The following ZNF772 variants were observed in gnomAD, a reference collection of about 807,000 sequenced individuals.
ZNF772 encodes the protein zinc finger protein 772.
Under a neutral mutation model 11.0 loss-of-function variants are expected in ZNF772, and 8 were observed. The ratio of observed to expected loss-of-function variants is 0.73; its 90% confidence interval spans 0.43 to 1.31. ZNF772 has a LOEUF of 1.31. Among genes scored for constraint, ZNF772 ranks in the 50% most tolerant of loss-of-function variants. The pLI, the probability that ZNF772 is intolerant of heterozygous loss-of-function variation, is 0.01. For synonymous variants in ZNF772, 155 were observed against 180.4 expected (o/e 0.86, Z 1.13); for missense variants, 496 against 552.3 (o/e 0.90, Z 1.02).
In ZNF772 at chr19:57,477,301, C is replaced by G; in HGVS notation, c.9G>C (p.Ala3=). 6.2e-7 allele frequency: 1 copy of G among 1,613,522 alleles called. No individual in the cohort carries two copies. The highest frequency in any genetic ancestry group is 8.5e-7 in the Non-Finnish European group (1 of 1,179,616). The change falls in exon 1 of 4, where the codon GCG becomes GCC. Residue 3 remains alanine, a synonymous_variant. Transcript: ENST00000356584. ...CCTGTGCCGGGCCCATCGGCTCAGC[C>G]GCCGCCATCAGGCCTGTGGACTACG... is the stretch of plus-strand genomic sequence containing the variant. MA[A]AEPMGPAQVP... is the part of the protein sequence containing the mutation.
intron 1 of ZNF772, 33 bp downstream of exon 1, chr19:57,477,244 G>A (rs772165851): frequency 1.9e-6 from 3 of 1,612,992 alleles, no homozygotes; most frequent in Non-Finnish European, 2.5e-6. Flanking sequence ...AGAGATGGGG[G>A]TCAGCGCGCA....
chr19:57,477,336 C>T lies in ZNF772; in HGVS notation c.-27G>A. The T allele has an allele frequency of 6.2e-7, 1 of 1,612,896 alleles. No individual in the cohort carries two copies. The highest frequency in any genetic ancestry group is 8.5e-7 in the Non-Finnish European group (1 of 1,179,534). On this transcript the variant is annotated 5_prime_UTR_variant, in exon 1 of 4. Transcript: ENST00000356584. The stretch of plus-strand genomic sequence containing the variant: ...AGGCCTGTGGACTACGGAAGGGTGG[C>T]GACAAGTGCAGGAACCTGGGATCAG...
Position 57,472,999 on chromosome 19 carries a change from G to A in ZNF772, c.*275C>T, listed in dbSNP as rs1443416541. The A allele has an allele frequency of 4.2e-6, 2 of 474,950 alleles. No individual in the cohort carries two copies. The highest frequency in any genetic ancestry group is 3.9e-5 in the African/African-American group (2 of 51,928). 29.4% of individuals were successfully genotyped at this position (474,950 alleles called of 1,614,324 possible). ...GAGGTCTGTCTTTTGAAACACATTGGGGTTACTTTGGCACAAGGCAGGACT... is the reference window on the plus strand; with the variant it reads ...GAGGTCTGTCTTTTGAAACACATTGAGGTTACTTTGGCACAAGGCAGGACT... On this transcript the variant is annotated 3_prime_UTR_variant, in exon 4 of 4. Coordinates refer to ENST00000356584, the MANE Select transcript of ZNF772 (RefSeq NM_001144068.2).
Position 57,475,123 on chromosome 19 carries a change from T to C in ZNF772, c.199+537A>G. The C allele has an allele frequency of 6.2e-7, 1 of 1,614,176 alleles. No individual in the cohort carries two copies. The highest frequency in any genetic ancestry group is 8.5e-7 in the Non-Finnish European group (1 of 1,180,034). On this transcript the variant is annotated intron_variant, in intron 3 of 3. Transcript: ENST00000356584. The surrounding 1 kb of genome is among the most constrained non-coding windows in gnomAD (Gnocchi z 4.2). ...CTACCCATCACCAGTGAGGCAACTA[T>C]GTGGGACATGAAAGATGTATGTCCT...
Position 57,473,669 on chromosome 19 carries a change from A to G in ZNF772, c.952T>C (p.Tyr318His). Residue 318 changes from tyrosine to histidine, a missense_variant, in exon 4 of 4, where the codon TAT (tyrosine) becomes CAT (histidine). Tyr to His is a moderately conservative substitution (Grantham distance 83). Coordinates refer to ENST00000356584, the MANE Select transcript of ZNF772 (RefSeq NM_001144068.2). ...TGAACAAGTGTAGATTTGTGACTAT[A>G]GGCTTTCCCACATTCACTGCACTTG... ...PYKCSECGKA[Y>H]SHKSTLVQHE... 6.2e-7 allele frequency: 1 copy of G among 1,613,896 alleles called. No individual in the cohort carries two copies. The highest frequency in any genetic ancestry group is 8.5e-7 in the Non-Finnish European group (1 of 1,179,958).
chr19:57,476,733 C>A (rs1025198917), intron 1 of ZNF772, 61 bp from the exon 2 acceptor site: 14 of 1,443,416 alleles, frequency 9.7e-6, no homozygotes, highest in Non-Finnish European at 1.0e-5. Flanking sequence ...AAAGGCTCAA[C>A]CCCATCCCAT....
At chr19:57,474,552 C>T in intron 3 of ZNF772, 131 bp from the exon 4 acceptor site, 1 of 883,186 alleles carries the variant, frequency 1.1e-6, no homozygotes, top group African/African-American at 1.7e-5. Flanking sequence ...GGTCCAAACT[C>T]AAGTTCAGCA....
In ZNF772 at chr19:57,473,374, G is replaced by T. The variant is rs767712382; in HGVS notation, c.1247C>A (p.Thr416Asn). Residue 416 changes from threonine (T) to asparagine (N), a missense_variant, in exon 4 of 4, where the codon ACT (threonine) becomes AAT (asparagine). Thr to Asn is a moderately conservative substitution (Grantham distance 65). Transcript: ENST00000356584. ...ACTGCACTTATATGGCCTTTCTCCA[G>T]TGTGAATTCTATGATGCTGAACAAG... ...HVLVQHHRIHTGERPYKCSEC... is the reference protein window; with the variant it reads ...HVLVQHHRIHNGERPYKCSEC... 1 of 1,614,170 alleles carries T rather than the reference G, an allele frequency of 6.2e-7. No homozygotes were observed. The highest frequency in any genetic ancestry group is 2.2e-5 in the East Asian group (1 of 44,884).
Position 57,475,764 on chromosome 19 carries a change from A to G in ZNF772, c.95T>C (p.Val32Ala). 1 of 1,606,978 alleles carries G rather than the reference A, an allele frequency of 6.2e-7. No individual in the cohort carries two copies. The highest frequency in any genetic ancestry group is 8.5e-7 in the Non-Finnish European group (1 of 1,175,930). Residue 32 changes from valine (V) to alanine (A), a missense_variant, in exon 3 of 4, where the codon GTG becomes GCG. By Grantham distance (64) the Val-to-Ala change is moderately conservative (BLOSUM62 0). Coordinates refer to ENST00000356584, the MANE Select transcript of ZNF772 (RefSeq NM_001144068.2). This position sits in a 1 kb window ranked among gnomAD's most constrained non-coding sequence, Gnocchi z 4.2. ...CTCCTCCTGGGAGAAGTACACGAAC[A>G]CGTCCTCAAAGTTCACCTGCCCCTG... The part of the protein sequence containing the change: ...PIQGQVNFED[V>A]FVYFSQEEWV...
Position 57,472,656 on chromosome 19 carries a change from C to G in ZNF772, c.*618G>C, listed in dbSNP as rs2089228842. The G allele has an allele frequency of 1.3e-5, 2 of 155,534 alleles. No homozygotes were observed. The highest frequency in any genetic ancestry group is 1.3e-4 in the Admixed American group (2 of 15,754). 9.6% of individuals were successfully genotyped at this position (155,534 alleles called of 1,614,324 possible). On this transcript the variant is annotated 3_prime_UTR_variant, in exon 4 of 4. Coordinates refer to ENST00000356584, the MANE Select transcript of ZNF772 (RefSeq NM_001144068.2). ...GCTTAGCTCAATTCTGTTCTCAACCCAACCCACAAAGCGAACAGAATCCTC... is the reference window on the plus strand; with the variant it reads ...GCTTAGCTCAATTCTGTTCTCAACCGAACCCACAAAGCGAACAGAATCCTC...
intron 1 of ZNF772, among the ~76,000 whole-genome samples, 180 bp from the exon 2 acceptor site, chr19:57,476,852 C>T (rs536261753): frequency 7.9e-5 from 12 of 152,314 alleles, no homozygotes; most frequent in Admixed American, 6.5e-4. Context: ...TCATTATCCG[C>T]CCCCATGGCC....
Position 57,470,965 on chromosome 19 carries a change from A to C in ZNF772, c.*2309T>G, listed in dbSNP as rs2089207114. The stretch of plus-strand genomic sequence containing the variant: ...CCTACAAAACACACTTCAGGGCCAG[A>C]GTGACAGACAGACAACACACACACA... On this transcript the variant is annotated 3_prime_UTR_variant, in exon 4 of 4. Transcript: ENST00000356584. 2 of 133,356 alleles carry C rather than the reference A, an allele frequency of 1.5e-5. No individual in the cohort carries two copies. Among genetic ancestry groups the C allele is most frequent in the African/African-American group, 5.5e-5 (2 of 36,432 alleles). The allele number at this position is 133,356 out of a possible 1,614,324, so 8.3% of individuals were successfully genotyped here. A position where few individuals can be genotyped will look rare whatever the true frequency, so the allele number is the denominator to read the frequency against.
At position 57,474,155 on chromosome 19, in the gene ZNF772, C is replaced by G; in HGVS notation, c.466G>C (p.Glu156Gln). The G allele has an allele frequency of 6.2e-7, 1 of 1,614,210 alleles. No individual in the cohort carries two copies. Among genetic ancestry groups the G allele is most frequent in the Non-Finnish European group, 8.5e-7 (1 of 1,180,016 alleles). ...CTCTTATCACTTCTAAAGGGTTTCTCTCCACTGTGCTGCTTCTGGTGCTGG... is the reference window on the plus strand; with the variant it reads ...CTCTTATCACTTCTAAAGGGTTTCTGTCCACTGTGCTGCTTCTGGTGCTGG... ...LHQHQKQHSGEKPFRSDKSRP... is the reference protein window; with the variant it reads ...LHQHQKQHSGQKPFRSDKSRP... Residue 156 changes from glutamate to glutamine, a missense_variant, in exon 4 of 4, where the codon GAG becomes CAG. Glu to Gln is a conservative substitution (Grantham distance 29, BLOSUM62 2). Coordinates refer to ENST00000356584, the MANE Select transcript of ZNF772 (RefSeq NM_001144068.2).
At chr19:57,477,116 A>C (rs1026750677) in intron 1 of ZNF772, among the ~76,000 whole-genome samples, 161 bp downstream of exon 1, 1 of 151,566 alleles carries the variant, frequency 6.6e-6, no homozygotes, top group Admixed American at 6.6e-5. Flanking sequence ...TCTGCCTGGA[A>C]CGTCCTTCAA....
Position 57,475,897 on chromosome 19 carries a change from A to C in ZNF772, c.73-111T>G. ...ACCCTCCTACCTAACTCCTCAACTC[A>C]GGAAATATCAGGACCAGATGTCATT... On this transcript the variant is annotated intron_variant, in intron 2 of 3. Transcript: ENST00000356584. This position sits in a 1 kb window ranked among gnomAD's most constrained non-coding sequence, Gnocchi z 4.2. 2.8e-6 allele frequency: 4 copies of C among 1,406,522 alleles called. No homozygotes were observed. Among genetic ancestry groups the C allele is most frequent in the Non-Finnish European group, 3.8e-6 (4 of 1,039,410 alleles). 87.1% of individuals were successfully genotyped at this position (1,406,522 alleles called of 1,614,324 possible).
Position 57,474,395 on chromosome 19 carries a change from C to A in ZNF772, c.226G>T (p.Glu76Ter), listed in dbSNP as rs1411552831. The A allele has an allele frequency of 2.5e-6, 4 of 1,607,008 alleles. No homozygotes were observed. The highest frequency in any genetic ancestry group is 1.3e-5 in the African/African-American group (1 of 75,028). Residue 76 changes from glutamate (E) to a stop codon, truncating the protein, a stop_gained, in exon 4 of 4, where the codon GAG becomes TAG. Coordinates refer to ENST00000356584, the MANE Select transcript of ZNF772 (RefSeq NM_001144068.2). LOFTEE classifies it low-confidence loss of function (END_TRUNC). Reference protein sequence around the residue: ...LGCWHGMEDEEIPFEQSFSIG... With the variant: ...LGCWHGMEDE ...GAAAAGCTCTGCTCAAAAGGTATCT[C>A]TTCATCCTCCATTCCATGCCAACAA...
At chr19:57,474,528 G>T in intron 3 of ZNF772, 107 bp from the exon 4 acceptor site, 1 of 1,154,196 alleles carries the variant, frequency 8.7e-7, no homozygotes, top group Non-Finnish European at 1.2e-6. Flanking sequence ...TCATAGGACT[G>T]TTGTTAGGAC....
In ZNF772 at chr19:57,473,319, A is replaced by T; in HGVS notation, c.1302T>A (p.Ala434=). The change falls in exon 4 of 4, where the codon GCT becomes GCA. Residue 434 remains alanine, a synonymous_variant. Transcript: ENST00000356584. ...SECGKAFRQR[A]SLIRHWKIHT... is the part of the protein sequence containing the mutation. ...GAATTTTCCAGTGGCGGATGAGGGAAGCCCTCTGCCTGAAGGCCTTCCCAC... is the reference window on the plus strand; with the variant it reads ...GAATTTTCCAGTGGCGGATGAGGGATGCCCTCTGCCTGAAGGCCTTCCCAC... 1.2e-6 allele frequency: 2 copies of T among 1,613,866 alleles called. No homozygotes were observed. Among genetic ancestry groups the T allele is most frequent in the Admixed American group, 1.7e-5 (1 of 60,010 alleles).
chr19:57,474,210 C>A lies in ZNF772; in HGVS notation c.411G>T (p.Gly137=). 6.2e-7 allele frequency: 1 copy of A among 1,614,140 alleles called. No individual in the cohort carries two copies. Among genetic ancestry groups the A allele is most frequent in the Non-Finnish European group, 8.5e-7 (1 of 1,180,000 alleles). Residue 137 remains glycine, a synonymous_variant, in exon 4 of 4, where the codon GGG becomes GGT. Coordinates refer to ENST00000356584, the MANE Select transcript of ZNF772 (RefSeq NM_001144068.2). ...GQKPYMCVLC[G]KQFCFSANLH... is the part of the protein sequence containing the mutation. ...GGTTTGCACTGAAGCAGAACTGTTT[C>A]CCACACAGCACACACATGTATGGTT...
Sources: allele counts gnomAD v4.1 joint callset (sites outside exome capture counted in the v4.1 genomes callset), GRCh38; gene constraint gnomAD v4.1.1; non-coding constraint Gnocchi (gnomAD v3.1); transcripts MANE v1.5; gene names NCBI Gene and HGNC (gene_info 2026-07-23, HGNC 2026-07-21).